ONECUT3: variants seen among roughly 807,000 people sequenced by gnomAD.
ONECUT3 encodes one cut homeobox 3.
Under a neutral mutation model 16.8 loss-of-function variants are expected in ONECUT3, and 11 were observed. The ratio of observed to expected loss-of-function variants is 0.66; its 90% CI spans 0.41 to 1.09. The LOEUF is 1.09. ONECUT3 is among the 50% of genes least tolerant of loss of function. ONECUT3 has a pLI of 0.00. For missense variants in ONECUT3, 637 were observed against 629.9 expected (o/e 1.01, Z -0.12); for synonymous variants, 344 against 310.7 (o/e 1.11, Z -1.13).
chr19:1,765,584 C>T (rs1047385795), intron 1 of ONECUT3, among the ~76,000 whole-genome samples: 1 of 152,242 alleles, frequency 6.6e-6, no homozygotes, highest in African/African-American at 2.4e-5. Flanking sequence ...AGCTGCCTCT[C>T]TCTGGCCTCA....
chr19:1,754,044 GCGGCGGCCGCGGCCGTGGCCGGGGCGCA>G lies in ONECUT3; in HGVS notation c.391_418del (p.Ala131IlefsTer25). The G allele has an allele frequency of 7.1e-6, 7 of 991,280 alleles. No homozygotes were observed. Among genetic ancestry groups the G allele is most frequent in the Non-Finnish European group, 6.0e-6 (5 of 835,524 alleles). The allele number at this position is 991,280 out of a possible 1,614,324, so 61.4% of individuals were successfully genotyped here. A position where few individuals can be genotyped will look rare whatever the true frequency, so the allele number is the denominator to read the frequency against. ...CGTGGCCGACAAGTTCCACCAGCAC[GCGGCGGCCGCGGCCGTGGCCGGGGCGCA>G]CGGCGGCCATCCCCACGCGCACCCG... On this transcript the variant is annotated frameshift_variant, in exon 1 of 2. Transcript: ENST00000382349. LOFTEE classifies it high-confidence loss of function. The surrounding 1 kb of genome is among the most constrained non-coding windows in gnomAD (Gnocchi z 7.4).
intron 1 of ONECUT3, among the ~76,000 whole-genome samples, chr19:1,761,304 C>G (rs138804273): frequency 6.6e-6 from 1 of 152,248 alleles, no homozygotes; most frequent in East Asian, 1.9e-4. Context: ...CCACCCACCT[C>G]GGCCACCCAA....
At chr19:1,768,909 AGGTGG>A in intron 1 of ONECUT3, among the ~76,000 whole-genome samples, 1 of 99,556 alleles carries the variant, frequency 1.0e-5, no homozygotes, top group African/African-American at 3.6e-5. Flanking sequence ...GAGGTGGTGG[AGGTGG>A]AGGTGGTGGA....
Position 1,768,862 on chromosome 19 carries a change from G to GGAGGTGGCGGAGGTA in ONECUT3, c.1193-6283_1193-6269dup, listed in dbSNP as rs1216724113. 2.4e-3 allele frequency among the ~76,000 whole-genome samples: 357 copies of GGAGGTGGCGGAGGTA among 149,896 alleles called. 8 individuals are homozygous for GGAGGTGGCGGAGGTA. The highest frequency in any genetic ancestry group is 0.015 in the South Asian group (67 of 4,508). On this transcript the variant is annotated intron_variant, in intron 1 of 1. Coordinates refer to ENST00000382349, the MANE Select transcript of ONECUT3 (RefSeq NM_001080488.2). ...GGGGGTGGAAGGTGGAGACGATGGA[G>GGAGGTGGCGGAGGTA]GAGGTGGCGGAGGTAGAGGTGGAGG...
Position 1,755,014 on chromosome 19 carries a change from C to T in ONECUT3, c.1192+160C>T, listed in dbSNP as rs2067909444. 6.6e-6 allele frequency among the ~76,000 whole-genome samples: 1 copy of T among 152,122 alleles called. No individual in the cohort carries two copies. Among genetic ancestry groups the T allele is most frequent in the African/African-American group, 2.4e-5 (1 of 41,430 alleles). ...TATCAGGAAGCTAGACCGCGATCCG[C>T]GCCGCTGCCCGTTTGTACCGTTGCC... On this transcript the variant is annotated intron_variant, in intron 1 of 1. Coordinates refer to ENST00000382349, the MANE Select transcript of ONECUT3 (RefSeq NM_001080488.2). The surrounding 1 kb of genome is among the most constrained non-coding windows in gnomAD (Gnocchi z 7.5).
intron 1 of ONECUT3, among the ~76,000 whole-genome samples, chr19:1,774,841 G>C (rs548617833): frequency 4.3e-4 from 61 of 141,634 alleles, no homozygotes; most frequent in African/African-American, 1.6e-3. Flanking sequence ...GCCTGTCCTC[G>C]CCTTCCATTC....
In ONECUT3 at chr19:1,758,495, C is replaced by T. The variant is rs142229174; in HGVS notation, c.1192+3641C>T. On this transcript the variant is annotated intron_variant, in intron 1 of 1. Coordinates refer to ENST00000382349, the MANE Select transcript of ONECUT3 (RefSeq NM_001080488.2). The surrounding 1 kb of genome is among the most constrained non-coding windows in gnomAD (Gnocchi z 5.9). The stretch of plus-strand genomic sequence containing the variant: ...GCACGCAAGAAATCCCACCGCAGAC[C>T]TCGGAGTCCCGGCCCCACTGCCCGT... Among the ~76,000 whole-genome samples, 28 of 152,282 alleles carry T rather than the reference C, an allele frequency of 1.8e-4. No individual in the cohort carries two copies. In the East Asian group the frequency reaches 4.6e-3, roughly 25 times the overall value.
chr19:1,775,137 CG>C lies in ONECUT3; in HGVS notation c.1193-15del. 2 of 1,342,902 alleles carry C rather than the reference CG, an allele frequency of 1.5e-6. No homozygotes were observed. The highest frequency in any genetic ancestry group is 2.0e-6 in the Non-Finnish European group (2 of 1,000,298). 83.2% of individuals were successfully genotyped at this position (1,342,902 alleles called of 1,614,324 possible). On this transcript the variant is annotated splice_polypyrimidine_tract_variant and intron_variant, in intron 1 of 1. Coordinates refer to ENST00000382349, the MANE Select transcript of ONECUT3 (RefSeq NM_001080488.2). ...GCTGTGTCCCGCTCGCCCGCCCGCC[CG>C]CCGCTCGCCCGCAGCCTGCAAGCGC...
chr19:1,756,890 A>C (rs921949409), intron 1 of ONECUT3, among the ~76,000 whole-genome samples: 1 of 151,912 alleles, frequency 6.6e-6, no homozygotes, highest in African/African-American at 2.4e-5. Context: ...CCATCACACC[A>C]GTAAGGCAGG....
intron 1 of ONECUT3, among the ~76,000 whole-genome samples, chr19:1,774,099 T>C (rs8100980): frequency 0.3 from 45,389 of 151,758 alleles, 7,978 homozygotes; most frequent in African/African-American, 0.49. Context: ...AAGTCTTCTT[T>C]CTTAGATGTT....
intron 1 of ONECUT3, among the ~76,000 whole-genome samples, chr19:1,771,115 C>T (rs759403775): frequency 3.9e-4 from 59 of 152,272 alleles, no homozygotes; most frequent in Admixed American, 1.7e-3. Flanking sequence ...ATTCTTCCCA[C>T]GCTCCCCAAC....
At chr19:1,767,945 C>T (rs1375112936) in intron 1 of ONECUT3, among the ~76,000 whole-genome samples, 1 of 152,146 alleles carries the variant, frequency 6.6e-6, no homozygotes, top group Non-Finnish European at 1.5e-5. Flanking sequence ...AGATCCTCCT[C>T]ATCCTTAGAT....
rs145922111 is a variant in ONECUT3 at position 1,777,031 on chromosome 19, A to AGAGAGAGAGG, written c.*1603_*1612dup. 2 of 150,302 alleles carry AGAGAGAGAGG rather than the reference A, an allele frequency of 1.3e-5. No individual in the cohort carries two copies. Among genetic ancestry groups the AGAGAGAGAGG allele is most frequent in the East Asian group, 2.0e-4 (1 of 5,120 alleles). The allele number at this position is 150,302 out of a possible 1,614,324, so 9.3% of individuals were successfully genotyped here. The stretch of plus-strand genomic sequence containing the variant: ...CCGAACCTGAGAGCGAAAGAGAGAG[A>AGAGAGAGAGG]GAGAGAGAGGGAGAGAGAGGGAGAG... On this transcript the variant is annotated 3_prime_UTR_variant, in exon 2 of 2. Coordinates refer to ENST00000382349, the MANE Select transcript of ONECUT3 (RefSeq NM_001080488.2).
In ONECUT3 at chr19:1,754,823, G is replaced by A. The variant is rs1261885092; in HGVS notation, c.1161G>A (p.Glu387=). The change falls in exon 1 of 2, where the codon GAG becomes GAA. Residue 387 remains glutamate, a synonymous_variant. Transcript: ENST00000382349. The surrounding 1 kb of genome is among the most constrained non-coding windows in gnomAD (Gnocchi z 7.4). ...TGTGGAAGTGGCTGCAGGAGCCAGA[G>A]TTCCAGCGCATGTCGGCGCTGCGCT... ...RRMWKWLQEP[E]FQRMSALRLA... The A allele has an allele frequency of 2.6e-6, 4 of 1,537,560 alleles. No homozygotes were observed. The highest frequency in any genetic ancestry group is 1.9e-5 in the Admixed American group (1 of 52,608).
In ONECUT3 at chr19:1,775,353, G is replaced by A; in HGVS notation, c.1393G>A (p.Ala465Thr). 1 of 1,573,376 alleles carries A rather than the reference G, an allele frequency of 6.4e-7. No homozygotes were observed. The highest frequency in any genetic ancestry group is 8.6e-7 in the Non-Finnish European group (1 of 1,161,312). Reference sequence around the variant, plus strand: ...CACCGTCAGCAACTTCTTCATGAACGCGCGGCGCCGCTGCATGAACCGCTG... The same window carrying A: ...CACCGTCAGCAACTTCTTCATGAACACGCGGCGCCGCTGCATGAACCGCTG... ...LNTVSNFFMNARRRCMNRWAE... is the reference protein window; with the variant it reads ...LNTVSNFFMNTRRRCMNRWAE... Residue 465 changes from alanine to threonine, a missense_variant, in exon 2 of 2, where the codon GCG becomes ACG. Around this residue, in one of 3 missense-constraint regions of ONECUT3, gnomAD observed 183 missense variants for 188.3 expected, o/e 0.97. Coordinates refer to ENST00000382349, the MANE Select transcript of ONECUT3 (RefSeq NM_001080488.2).
intron 1 of ONECUT3, among the ~76,000 whole-genome samples, chr19:1,763,926 G>T (rs2067962952): frequency 6.6e-6 from 1 of 152,014 alleles, no homozygotes; most frequent in Non-Finnish European, 1.5e-5. Flanking sequence ...ATCGTTCGCG[G>T]TCACCATAGC....
rs912829963 is a variant in ONECUT3, at chr19:1,753,577, A to C, written c.-86A>C. The C allele has an allele frequency of 2.4e-6, 1 of 418,878 alleles. No individual in the cohort carries two copies. The highest frequency in any genetic ancestry group is 3.2e-6 in the Non-Finnish European group (1 of 307,746). The allele number at this position is 418,878 out of a possible 1,614,324, so 25.9% of individuals were successfully genotyped here. On this transcript the variant is annotated 5_prime_UTR_variant, in exon 1 of 2. Coordinates refer to ENST00000382349, the MANE Select transcript of ONECUT3 (RefSeq NM_001080488.2). ...CAGCCTGGCAGCCTCGCGCGCAGCC[A>C]CCGGGGAGCGGGCGGGAGTCATGCA...
In ONECUT3 at chr19:1,775,133, CGCCCGCCGCTCGCCCGCA is replaced by C; in HGVS notation, c.1193-16_1194del. 1 of 1,282,148 alleles carries C rather than the reference CGCCCGCCGCTCGCCCGCA, an allele frequency of 7.8e-7. No homozygotes were observed. Among genetic ancestry groups the C allele is most frequent in the Non-Finnish European group, 1.1e-6 (1 of 946,672 alleles). 79.4% of individuals were successfully genotyped at this position (1,282,148 alleles called of 1,614,324 possible). ...TGGCGCTGTGTCCCGCTCGCCCGCC[CGCCCGCCGCTCGCCCGCA>C]GCCTGCAAGCGCAAGGAACAGGAGC... is the stretch of plus-strand genomic sequence containing the variant. On this transcript the variant is annotated splice_acceptor_variant and splice_polypyrimidine_tract_variant and intron_variant, in intron 1 of 1. Coordinates refer to ENST00000382349, the MANE Select transcript of ONECUT3 (RefSeq NM_001080488.2). LOFTEE classifies it high-confidence loss of function.
intron 1 of ONECUT3, among the ~76,000 whole-genome samples, chr19:1,767,760 C>T (rs1396246506): frequency 2.6e-5 from 4 of 152,230 alleles, no homozygotes; most frequent in Non-Finnish European, 4.4e-5. Flanking sequence ...GGGGCGGCGG[C>T]GCAGGCCCAG....
Sources: gnomAD v4.1 joint callset for allele counts (sites outside exome capture counted in the v4.1 genomes callset) on GRCh38, gnomAD v4.1.1 for gene constraint, gnomAD v4.1.1 regional missense constraint, Gnocchi (gnomAD v3.1) non-coding constraint, MANE v1.5 for transcripts, NCBI Gene and HGNC (gene_info 2026-07-23, HGNC 2026-07-21) for gene names.